Variants in TENM4 observed in about 807,000 individuals in gnomAD.
The protein encoded by TENM4 is teneurin-4.
A neutral mutation model predicts 243.3 loss-of-function variants in TENM4; 82 were observed. The observed-to-expected ratio is 0.34, with a 90% CI of 0.28 to 0.40. The LOEUF is 0.40. Among genes scored for constraint, TENM4 ranks in the 10% least tolerant of loss-of-function variants. The pLI is 1.00. For missense variants in TENM4, 3,138 were observed against 3,673.3 expected, an observed-to-expected ratio of 0.85 and a Z score of 3.77; for synonymous variants, 1,412 against 1,456.3, an observed-to-expected ratio of 0.97 and a Z score of 0.69.
At chr11:78,725,215 T>C (rs2135853733) in intron 23 of TENM4, among the ~76,000 whole-genome samples, 1 of 152,372 alleles carries the variant, frequency 6.6e-6, no homozygotes, top group South Asian at 2.1e-4. Context: ...GAGTCCCTCT[T>C]CTTTGTTCTT....
At chr11:78,880,055 C>T (rs970537081) in intron 9 of TENM4, among the ~76,000 whole-genome samples, 3 of 152,204 alleles carry the variant, frequency 2.0e-5, no homozygotes, top group Admixed American at 6.5e-5. Context: ...CAGATTGTTA[C>T]TGTGTCTGTG....
At chr11:79,306,972 G>T (rs1231189563) in intron 1 of TENM4, among the ~76,000 whole-genome samples, 3 of 152,184 alleles carry the variant, frequency 2.0e-5, no homozygotes, top group Admixed American at 1.3e-4. Context: ...TCGTAAGGGA[G>T]AAAATGTACC....
chr11:79,328,884 AC>A (rs891035679), intron 1 of TENM4, among the ~76,000 whole-genome samples: 1 of 152,062 alleles, frequency 6.6e-6, no homozygotes, highest in African/African-American at 2.4e-5. Flanking sequence ...TCAGGGACTT[AC>A]CCAGCATTCC....
At chr11:78,936,824 G>C (rs1397251426) in intron 6 of TENM4, among the ~76,000 whole-genome samples, 1 of 152,168 alleles carries the variant, frequency 6.6e-6, no homozygotes, top group African/African-American at 2.4e-5. Flanking sequence ...GAATGAGAAG[G>C]TGGGTGGGGA....
At chr11:78,964,036 CT>C (rs1002218964) in intron 6 of TENM4, among the ~76,000 whole-genome samples, 1,503 of 109,388 alleles carry the variant, frequency 0.014, 6 homozygotes, top group African/African-American at 0.016. Flanking sequence ...CACACCCAGA[CT>C]TTTTTTTTTT....
chr11:79,420,641 T>G (rs1858911615), intron 1 of TENM4, among the ~76,000 whole-genome samples: 1 of 152,136 alleles, frequency 6.6e-6, no homozygotes, highest in South Asian at 2.1e-4. Context: ...CTCTCTAATT[T>G]GGCATTTATC....
At chr11:79,138,563 ATAAAACATATATTTATATAAATAC>A (rs1862169934) in intron 4 of TENM4, among the ~76,000 whole-genome samples, 3 of 31,476 alleles carry the variant, frequency 9.5e-5, no homozygotes, top group African/African-American at 1.6e-4. Flanking sequence ...ATATAAATAC[ATAAAACATATATTTATATAAATAC>A]ATAAAACATA....
chr11:79,270,881 A>T (rs1366541524), intron 2 of TENM4, among the ~76,000 whole-genome samples: 1 of 152,214 alleles, frequency 6.6e-6, no homozygotes, highest in Non-Finnish European at 1.5e-5. Context: ...GGCTGGGCTC[A>T]CAGAAGAGCA....
chr11:79,178,056 G>A (rs1863202106), intron 3 of TENM4, among the ~76,000 whole-genome samples: 1 of 152,114 alleles, frequency 6.6e-6, no homozygotes, highest in South Asian at 2.1e-4. Context: ...GTGAAAGGAA[G>A]TAGTCCGATC....
intron 1 of TENM4, among the ~76,000 whole-genome samples, chr11:79,340,614 C>T (rs1402340146): frequency 2.0e-5 from 3 of 152,180 alleles, no homozygotes; most frequent in Non-Finnish European, 2.9e-5. Flanking sequence ...CATTCCTTCT[C>T]TCATATCCAC....
intron 9 of TENM4, among the ~76,000 whole-genome samples, chr11:78,879,843 T>G (rs993448585): frequency 2.7e-5 from 4 of 149,718 alleles, no homozygotes; most frequent in Admixed American, 6.6e-5. Flanking sequence ...CACCTCTGCC[T>G]GGCTGCCCCG....
At chr11:78,882,116 G>C (rs2136275074) in intron 9 of TENM4, among the ~76,000 whole-genome samples, 1 of 152,330 alleles carries the variant, frequency 6.6e-6, no homozygotes, top group South Asian at 2.1e-4. Flanking sequence ...AAGTCAAAGA[G>C]AAAGGAGGGA....
chr11:79,224,425 G>C (rs1355139149), intron 2 of TENM4, among the ~76,000 whole-genome samples: 4 of 152,170 alleles, frequency 2.6e-5, no homozygotes, highest in African/African-American at 9.7e-5. Flanking sequence ...AGTGAAGGAA[G>C]AATGTAGTAT....
chr11:79,087,877 G>A (rs1359589501), intron 4 of TENM4, among the ~76,000 whole-genome samples: 6 of 152,198 alleles, frequency 3.9e-5, no homozygotes, highest in Non-Finnish European at 7.3e-5. Context: ...GGCTGCACAC[G>A]CACTACAGTG....
intron 6 of TENM4, among the ~76,000 whole-genome samples, chr11:79,041,588 A>G (rs759117808): frequency 6.6e-6 from 1 of 152,050 alleles, no homozygotes; most frequent in African/African-American, 2.4e-5. Context: ...CATGAATGTG[A>G]ATACATTTTT....
At chr11:79,067,857 G>T (rs1045738009) in intron 5 of TENM4, 1 of 152,230 alleles carries the variant, frequency 6.6e-6, no homozygotes, top group African/African-American at 2.4e-5. Flanking sequence ...TCTTGGGCTT[G>T]TGATCACCTG....
At chr11:78,832,125 G>T (rs551883594) in intron 12 of TENM4, among the ~76,000 whole-genome samples, 1 of 152,344 alleles carries the variant, frequency 6.6e-6, no homozygotes, top group African/African-American at 2.4e-5. Flanking sequence ...TTCCCAGCCA[G>T]TCTCAGGAGG....
intron 18 of TENM4, among the ~76,000 whole-genome samples, chr11:78,770,158 T>C (rs1038169100): frequency 6.6e-5 from 10 of 152,330 alleles, no homozygotes; most frequent in African/African-American, 2.4e-4. Flanking sequence ...TAACCACCTG[T>C]GAGTGGGAGA....
At chr11:79,069,610 G>A in intron 5 of TENM4, 112 bp downstream of exon 5, 1 of 1,368,198 alleles carries the variant, frequency 7.3e-7, no homozygotes, top group Non-Finnish European at 9.7e-7. Context: ...ACCCCAACTG[G>A]TGTTCCAGCT....
Sources: gnomAD v4.1 joint callset for allele counts (sites outside exome capture counted in the v4.1 genomes callset) on GRCh38, gnomAD v4.1.1 for gene constraint, MANE v1.5 for transcripts, NCBI Gene and HGNC (gene_info 2026-07-23, HGNC 2026-07-21) for gene names.